ABCC11: variants seen among roughly 807,000 people sequenced by gnomAD.
ABCC11 encodes ATP binding cassette subfamily C member 11.
A neutral mutation model predicts 149.3 loss-of-function variants in ABCC11; 135 were observed. The ratio of observed to expected loss-of-function variants is 0.90; its 90% CI spans 0.79 to 1.04. The LOEUF is 1.04. Ranked by LOEUF, ABCC11 falls within the 50% of genes least tolerant of loss-of-function variation. The pLI is 0.00. For synonymous variants in ABCC11, 665 were observed against 671.4 expected (o/e 0.99, Z 0.15); for missense variants, 1,680 against 1,722.1 (o/e 0.98, Z 0.43).
At chr16:48,243,116 A>T (rs79788467) in intron 1 of ABCC11, among the ~76,000 whole-genome samples, 40 of 151,756 alleles carry the variant, frequency 2.6e-4, no homozygotes, top group African/African-American at 8.0e-4. Context: ...AAAAAAAAAA[A>T]TTGGACGGGC....
intron 1 of ABCC11, among the ~76,000 whole-genome samples, chr16:48,236,007 T>C (rs16946006): frequency 0.13 from 19,920 of 152,162 alleles, 1,625 homozygotes; most frequent in African/African-American, 0.23. Flanking sequence ...ACATCAGTGG[T>C]TAAGGAAGTG....
chr16:48,207,166 G>A (rs1968517676), intron 12 of ABCC11, among the ~76,000 whole-genome samples: 1 of 152,154 alleles, frequency 6.6e-6, no homozygotes, highest in Non-Finnish European at 1.5e-5. Context: ...GGGGGAACAA[G>A]GGACAATGGA....
At chr16:48,206,475 A>G (rs999716361) in intron 12 of ABCC11, among the ~76,000 whole-genome samples, 2 of 152,174 alleles carry the variant, frequency 1.3e-5, no homozygotes, top group Non-Finnish European at 2.9e-5. Context: ...ACAAATAGAG[A>G]TAGACACTCA....
chr16:48,176,808 A>T (rs10163354), intron 25 of ABCC11, 116 bp downstream of exon 25: 6 of 1,232,306 alleles, frequency 4.9e-6, no homozygotes, highest in Non-Finnish European at 5.5e-6. Context: ...CCAGCACAGC[A>T]TGAGGACCTA....
chr16:48,243,675 C>G (rs1485037810), intron 1 of ABCC11, among the ~76,000 whole-genome samples: 3 of 152,234 alleles, frequency 2.0e-5, no homozygotes, highest in African/African-American at 4.8e-5. Flanking sequence ...TATATAGGAA[C>G]TCTGCTGTAG....
In ABCC11 at chr16:48,187,411, A is replaced by G; in HGVS notation, c.2723T>C (p.Met908Thr). The G allele has an allele frequency of 6.2e-6, 10 of 1,612,946 alleles. No homozygotes were observed. Among genetic ancestry groups the G allele is most frequent in the Non-Finnish European group, 8.5e-6 (10 of 1,179,374 alleles). Residue 908 changes from methionine to threonine, a missense_variant, in exon 21 of 30, where the codon ATG (methionine) becomes ACG (threonine). By Grantham distance (81) the Met-to-Thr change is moderately conservative. Coordinates refer to ENST00000356608, the MANE Select transcript of ABCC11 (RefSeq NM_001370497.1). ...TATTGGGATGGTGTCAAAGAAACTC[A>G]TGGGGCAGCGGAAAACCTGCAGGGA... ...KLFNKVFRCPMSFFDTIPIGR... is the reference protein window; with the variant it reads ...KLFNKVFRCPTSFFDTIPIGR...
chr16:48,187,416 G>T lies in ABCC11; in HGVS notation c.2718C>A (p.Cys906Ter), dbSNP rs762227083. 1.2e-6 allele frequency: 2 copies of T among 1,612,082 alleles called. No individual in the cohort carries two copies. Among genetic ancestry groups the T allele is most frequent in the Non-Finnish European group, 1.7e-6 (2 of 1,178,974 alleles). Residue 906 changes from cysteine (C) to a stop codon, truncating the protein, a stop_gained, in exon 21 of 30, where the codon TGC becomes TGA. Coordinates refer to ENST00000356608, the MANE Select transcript of ABCC11 (RefSeq NM_001370497.1). LOFTEE classifies it high-confidence loss of function. ...GGATGGTGTCAAAGAAACTCATGGG[G>T]CAGCGGAAAACCTGCAGGGACAAAA... The part of the protein sequence containing the change: ...HNKLFNKVFR[C>*]PMSFFDTIPI...
intron 6 of ABCC11, among the ~76,000 whole-genome samples, chr16:48,219,740 G>T (rs1969606934): frequency 6.6e-6 from 1 of 152,104 alleles, no homozygotes; most frequent in Non-Finnish European, 1.5e-5. Flanking sequence ...CAGCACTTTG[G>T]GAGGCCAAAG....
intron 4 of ABCC11, among the ~76,000 whole-genome samples, chr16:48,226,839 C>T (rs1200090027): frequency 6.6e-6 from 1 of 152,202 alleles, no homozygotes; most frequent in Non-Finnish European, 1.5e-5. Context: ...CAACATTTCA[C>T]AAACTCCTCT....
rs1432076086 is a variant in ABCC11 at position 48,222,518 on chromosome 16, C to T, written c.777+80G>A. On this transcript the variant is annotated intron_variant, in intron 6 of 29. Coordinates refer to ENST00000356608, the MANE Select transcript of ABCC11 (RefSeq NM_001370497.1). ...TTCCTCTTCTAACCCCCTTTTCTCC[C>T]TCTCTTGGCCCCCAGGGCAGTTATG... 3 of 1,234,904 alleles carry T rather than the reference C, an allele frequency of 2.4e-6. No individual in the cohort carries two copies. The South Asian group carries it at 4.0e-5, about 17-fold the overall frequency. 76.5% of individuals were successfully genotyped at this position (1,234,904 alleles called of 1,614,324 possible).
At chr16:48,216,336 C>A (rs28626252) in intron 6 of ABCC11, 49 bp from the exon 7 acceptor site, 150,875 of 1,580,578 alleles carry the variant, frequency 0.095, 8,860 homozygotes, top group African/African-American at 0.28. Context: ...CCTGGGTACA[C>A]AGAAGGGGTG....
At chr16:48,242,385 G>A (rs1235209167) in intron 1 of ABCC11, among the ~76,000 whole-genome samples, 1 of 152,092 alleles carries the variant, frequency 6.6e-6, no homozygotes, top group Non-Finnish European at 1.5e-5. Context: ...TCATTAAAAA[G>A]TCAGGAAACA....
intron 1 of ABCC11, among the ~76,000 whole-genome samples, chr16:48,246,647 C>T (rs1001624688): frequency 6.0e-4 from 91 of 152,132 alleles, no homozygotes; most frequent in African/African-American, 1.9e-3. Flanking sequence ...CGTAGCCCAC[C>T]GCAACCTTGA....
chr16:48,234,299 A>G (rs1970577582), intron 1 of ABCC11, among the ~76,000 whole-genome samples: 1 of 152,258 alleles, frequency 6.6e-6, no homozygotes, highest in Admixed American at 6.5e-5. Flanking sequence ...AGGTAGCAAA[A>G]TAAGTAGGAA....
chr16:48,244,188 G>A (rs1478507786), intron 1 of ABCC11: 3 of 503,534 alleles, frequency 6.0e-6, no homozygotes, highest in African/African-American at 4.0e-5. Flanking sequence ...TTTCCGCATA[G>A]GTAGGACGCT....
At chr16:48,177,430 C>A (rs985564103) in intron 24 of ABCC11, among the ~76,000 whole-genome samples, 4 of 152,252 alleles carry the variant, frequency 2.6e-5, no homozygotes, top group Non-Finnish European at 5.9e-5. Flanking sequence ...AGCAGAGACT[C>A]CCCCCTTCGG....
At chr16:48,205,613 C>T (rs1377844823) in intron 12 of ABCC11, 76 bp from the exon 13 acceptor site, 2 of 1,557,274 alleles carry the variant, frequency 1.3e-6, no homozygotes, top group Non-Finnish European at 8.7e-7. Flanking sequence ...AGGCACAGTG[C>T]CCAGGGCCCC....
chr16:48,213,103 G>A (rs1969058884), intron 10 of ABCC11, among the ~76,000 whole-genome samples: 1 of 152,222 alleles, frequency 6.6e-6, no homozygotes, highest in African/African-American at 2.4e-5. Context: ...CACATAAAAT[G>A]TCCAAGTTTT....
intron 18 of ABCC11, among the ~76,000 whole-genome samples, chr16:48,194,270 C>G (rs537333633): frequency 6.6e-6 from 1 of 152,188 alleles, no homozygotes; most frequent in Non-Finnish European, 1.5e-5. Context: ...AGCTTCAGAG[C>G]CATGCTGAAG....
Sources: allele counts gnomAD v4.1 joint callset (sites outside exome capture counted in the v4.1 genomes callset), GRCh38; gene constraint gnomAD v4.1.1; transcripts MANE v1.5; gene names NCBI Gene and HGNC (gene_info 2026-07-23, HGNC 2026-07-21).